The following ACBD6 variants were observed in gnomAD, a reference collection of about 807,000 sequenced individuals.
The protein encoded by ACBD6 is acyl-CoA binding domain containing 6.
Under a neutral mutation model 37.2 loss-of-function variants are expected in ACBD6, and 28 were observed. The observed-to-expected ratio is 0.75, with a 90% CI of 0.56 to 1.03. The LOEUF is 1.03. ACBD6 is among the 50% of genes least tolerant of loss of function. ACBD6 has a pLI of 0.00. For missense variants in ACBD6, 340 were observed against 337.4 expected, an observed-to-expected ratio of 1.01 and a Z score of -0.06; for synonymous variants, 113 against 126.8, an observed-to-expected ratio of 0.89 and a Z score of 0.73.
chr1:180,499,157 C>A (rs893788200), intron 1 of ACBD6, among the ~76,000 whole-genome samples: 1 of 152,136 alleles, frequency 6.6e-6, no homozygotes, highest in Non-Finnish European at 1.5e-5. Flanking sequence ...TGCCAACAAC[C>A]TCATCCAGCC....
chr1:180,415,853 T>C (rs1453122498), intron 4 of ACBD6, among the ~76,000 whole-genome samples: 1 of 152,208 alleles, frequency 6.6e-6, no homozygotes, highest in Non-Finnish European at 1.5e-5. Flanking sequence ...CTTAAATATG[T>C]TTCTTAGACA....
intron 6 of ACBD6, among the ~76,000 whole-genome samples, chr1:180,342,026 T>C (rs1652002496): frequency 6.6e-6 from 1 of 152,214 alleles, no homozygotes; most frequent in African/African-American, 2.4e-5. Context: ...CAGATCACCA[T>C]GCCTAATTTG....
chr1:180,443,858 C>T (rs1255712007), intron 3 of ACBD6, among the ~76,000 whole-genome samples: 1 of 150,758 alleles, frequency 6.6e-6, no homozygotes, highest in Non-Finnish European at 1.5e-5. Flanking sequence ...CTCCTGACCT[C>T]GTGATCTGCC....
At chr1:180,484,711 T>G (rs576008631) in intron 3 of ACBD6, among the ~76,000 whole-genome samples, 16 of 152,306 alleles carry the variant, frequency 1.1e-4, no homozygotes, top group South Asian at 2.1e-4. Flanking sequence ...GTATTCAACA[T>G]GTGTATCTAC....
At chr1:180,421,923 T>C (rs1469570693) in intron 4 of ACBD6, among the ~76,000 whole-genome samples, 1 of 152,200 alleles carries the variant, frequency 6.6e-6, no homozygotes, top group African/African-American at 2.4e-5. Context: ...TCTCCTATTA[T>C]CTTGACCTTT....
At chr1:180,279,580 G>A (rs572216231) in intron 9 of ACBD6, among the ~76,000 whole-genome samples, 3 of 152,310 alleles carry the variant, frequency 2.0e-5, no homozygotes, top group African/African-American at 7.2e-5. Context: ...TTACAGGTGT[G>A]AGCCACCATG....
chr1:180,327,566 C>T (rs1253742567), intron 6 of ACBD6, among the ~76,000 whole-genome samples: 3 of 152,094 alleles, frequency 2.0e-5, no homozygotes, highest in African/African-American at 4.8e-5. Flanking sequence ...CCTGCTGGGG[C>T]GACAATTGGT....
At chr1:180,391,998 A>T (rs1035829700) in intron 6 of ACBD6, among the ~76,000 whole-genome samples, 1 of 152,156 alleles carries the variant, frequency 6.6e-6, no homozygotes, top group Non-Finnish European at 1.5e-5. Flanking sequence ...TACATGTAAC[A>T]TGAATGACTC....
intron 7 of ACBD6, among the ~76,000 whole-genome samples, chr1:180,292,801 AG>A (rs1223226261): frequency 6.6e-6 from 1 of 152,214 alleles, no homozygotes; most frequent in Non-Finnish European, 1.5e-5. Context: ...CTTTGTCCAC[AG>A]TCTTAGAGGG....
chr1:180,318,163 G>GCCCCC lies in ACBD6; in HGVS notation c.664-3446_664-3442dup, dbSNP rs1553291888. 5.7e-4 allele frequency among the ~76,000 whole-genome samples: 18 copies of GCCCCC among 31,404 alleles called. 1 individual carries two copies. The highest frequency in any genetic ancestry group is 7.1e-4 in the Non-Finnish European group (13 of 18,196). The allele number at this position is 31,404 out of a possible 152,430, so 20.6% of individuals were successfully genotyped here. A position where few individuals can be genotyped will look rare whatever the true frequency, so the allele number is the denominator to read the frequency against. ...GGTGACAGAGTAAGATTCCATCTCC[G>GCCCCC]CCCCCCCCCCCCAAAAAAAAAAGAA... is the stretch of plus-strand genomic sequence containing the variant. On this transcript the variant is annotated intron_variant, in intron 6 of 7. Transcript: ENST00000367595.
intron 6 of ACBD6, among the ~76,000 whole-genome samples, chr1:180,354,982 T>C (rs1365511811): frequency 6.6e-6 from 1 of 152,238 alleles, no homozygotes; most frequent in Non-Finnish European, 1.5e-5. Flanking sequence ...CCAGGTGGCT[T>C]TAATAATACC....
intron 6 of ACBD6, among the ~76,000 whole-genome samples, chr1:180,392,788 G>A (rs558597234): frequency 6.7e-6 from 1 of 149,046 alleles, no homozygotes; most frequent in South Asian, 2.2e-4. Context: ...TCTTTTATAA[G>A]ACACAGACAG....
intron 6 of ACBD6, among the ~76,000 whole-genome samples, chr1:180,327,574 G>C (rs561062739): frequency 6.6e-6 from 1 of 152,252 alleles, no homozygotes; most frequent in South Asian, 2.1e-4. Context: ...GGCGACAATT[G>C]GTGGAGGGGC....
chr1:180,308,885 C>T (rs1052318004), intron 7 of ACBD6, among the ~76,000 whole-genome samples: 1 of 151,984 alleles, frequency 6.6e-6, no homozygotes, highest in Non-Finnish European at 1.5e-5. Flanking sequence ...TGTATTTTAT[C>T]CAGCAAATAG....
intron 4 of ACBD6, among the ~76,000 whole-genome samples, chr1:180,422,138 C>T (rs1179664697): frequency 6.6e-6 from 1 of 152,092 alleles, no homozygotes; most frequent in Non-Finnish European, 1.5e-5. Context: ...AAAGATATTG[C>T]ACAAAATGTG....
chr1:180,431,229 T>C (rs980414024), intron 3 of ACBD6, among the ~76,000 whole-genome samples: 2 of 152,078 alleles, frequency 1.3e-5, no homozygotes, highest in East Asian at 1.9e-4. Flanking sequence ...TCCCCGGAGA[T>C]AGCATATTCT....
intron 3 of ACBD6, chr1:180,435,228 G>A (rs1319876724): frequency 3.6e-5 from 24 of 675,872 alleles, no homozygotes; most frequent in Admixed American, 2.6e-4. Flanking sequence ...GCTGGGTTAC[G>A]AGGGCTGGCT....
chr1:180,392,129 T>C (rs1362693859), intron 6 of ACBD6, among the ~76,000 whole-genome samples: 2 of 152,118 alleles, frequency 1.3e-5, no homozygotes, highest in African/African-American at 2.4e-5. Flanking sequence ...TTCAGAATAA[T>C]AGTCACCTCA....
At chr1:180,384,747 C>T (rs566981533) in intron 6 of ACBD6, among the ~76,000 whole-genome samples, 3 of 152,152 alleles carry the variant, frequency 2.0e-5, no homozygotes, top group Non-Finnish European at 2.9e-5. Flanking sequence ...ATGGAATCAA[C>T]TGAAGTGTCC....
Sources: gnomAD v4.1 joint callset for allele counts (sites outside exome capture counted in the v4.1 genomes callset) on GRCh38, gnomAD v4.1.1 for gene constraint, MANE v1.5 for transcripts, NCBI Gene and HGNC (gene_info 2026-07-23, HGNC 2026-07-21) for gene names.